The following ZNF540 variants were observed in gnomAD, a reference collection of about 807,000 sequenced individuals.
ZNF540 encodes zinc finger protein 540.
In ZNF540, 3 loss-of-function variants were observed where a neutral mutation model predicts 11.8. The observed-to-expected ratio is 0.25, with a 90% CI of 0.12 to 0.65. The LOEUF (loss-of-function observed/expected upper bound fraction) is 0.65, where lower values mean the gene tolerates loss of function less well. Among genes scored for constraint, ZNF540 ranks in the 30% least tolerant of loss-of-function variants. ZNF540 has a pLI of 0.83. For synonymous variants in ZNF540, 247 were observed against 259.0 expected (o/e 0.95, Z 0.45); for missense variants, 709 against 793.1 (o/e 0.89, Z 1.27).
chr19:37,610,702 G>A (rs888299214), intron 4 of ZNF540, among the ~76,000 whole-genome samples: 2 of 152,160 alleles, frequency 1.3e-5, no homozygotes, highest in Non-Finnish European at 2.9e-5. Context: ...GGAGGACAAT[G>A]TCTTTGAAAG....
chr19:37,565,339 A>G (rs759265556), intron 1 of ZNF540: 7 of 1,613,146 alleles, frequency 4.3e-6, no homozygotes, highest in Non-Finnish European at 8.5e-7. Flanking sequence ...CTTTACATTC[A>G]TAGGGTTTCT....
chr19:37,581,543 G>A (rs566490080), intron 1 of ZNF540, among the ~76,000 whole-genome samples: 77 of 148,714 alleles, frequency 5.2e-4, no homozygotes, highest in African/African-American at 1.8e-3. Context: ...ATGGTTCACT[G>A]CAACCTCGAC....
chr19:37,581,466 CTTTTTTT>C (rs1226046583), intron 1 of ZNF540, among the ~76,000 whole-genome samples: 1 of 138,730 alleles, frequency 7.2e-6, no homozygotes, highest in Non-Finnish European at 1.6e-5. Flanking sequence ...TTCTTTCTTT[CTTTTTTT>C]TTTTTTTTTG....
intron 1 of ZNF540, among the ~76,000 whole-genome samples, chr19:37,568,946 G>A (rs775566587): frequency 2.6e-5 from 4 of 151,692 alleles, no homozygotes; most frequent in African/African-American, 4.8e-5. Context: ...GCTGACACTC[G>A]GGAAGCCCAA....
Position 37,612,369 on chromosome 19 carries a change from C to T in ZNF540, c.1089C>T (p.Thr363=). ...ACGAATGTAAGGAATGTGGAAAGAC[C>T]TTTAGACTTAGTTTTTACCTTACTG... The part of the protein sequence containing the change: ...KPYECKECGK[T]FRLSFYLTEH... Residue 363 remains threonine, a synonymous_variant, in exon 5 of 5, where the codon ACC becomes ACT. Coordinates refer to ENST00000316433, the MANE Select transcript of ZNF540 (RefSeq NM_001172225.3). 1 of 1,613,676 alleles carries T rather than the reference C, an allele frequency of 6.2e-7. No individual in the cohort carries two copies.
chr19:37,572,119 A>AT (rs1450034113), intron 1 of ZNF540, among the ~76,000 whole-genome samples: 1 of 152,210 alleles, frequency 6.6e-6, no homozygotes, highest in African/African-American at 2.4e-5. Context: ...ATACTCTCAT[A>AT]TTTATACATC....
intron 1 of ZNF540, among the ~76,000 whole-genome samples, chr19:37,561,048 CAAA>C (rs199892724): frequency 1.4e-4 from 10 of 73,782 alleles, no homozygotes; most frequent in African/African-American, 3.2e-4. Flanking sequence ...CCTGTCTCTA[CAAA>C]AAAAAAAAAA....
chr19:37,592,452 G>A (rs1484781676), upstream of ZNF540, among the ~76,000 whole-genome samples: 1 of 152,196 alleles, frequency 6.6e-6, no homozygotes, highest in East Asian at 1.9e-4. Context: ...TGGCCCTTTG[G>A]AGGACCACAG....
rs150305481 is a variant in ZNF540, at chr19:37,611,528, A to G, written c.248A>G (p.His83Arg). The G allele has an allele frequency of 9.6e-5, 153 of 1,598,360 alleles. 1 individual carries two copies. The highest frequency in any genetic ancestry group is 2.6e-4 in the Admixed American group (15 of 57,678). ...TTTCTTTCAGGTTTGTTATCCAGGC[A>G]TAAGACCAAGAAATTATCTTCAGAA... The part of the protein sequence containing the change: ...GRQCPGLLSR[H>R]KTKKLSSEKD... Residue 83 changes from histidine to arginine, a missense_variant, in exon 5 of 5, where the codon CAT (histidine) becomes CGT (arginine). Transcript: ENST00000316433.
chr19:37,562,315 A>T (rs1428600556), intron 1 of ZNF540: 1 of 151,842 alleles, frequency 6.6e-6, no homozygotes, highest in Non-Finnish European at 1.5e-5. Flanking sequence ...CCAGGGGTGG[A>T]GGTTGCAATG....
In ZNF540 at chr19:37,579,018, G is replaced by C. The variant is rs959085730; in HGVS notation, c.-72-19358G>C. Among the ~76,000 whole-genome samples, 4 of 152,222 alleles carry C rather than the reference G, an allele frequency of 2.6e-5. No homozygotes were observed. The East Asian group carries it at 7.7e-4, about 29-fold the overall frequency. The stretch of plus-strand genomic sequence containing the variant: ...TTGCAGGAGTCCTGCTCCAGTGAAA[G>C]GCCCACAGCACAGCCGCCCTGCCCC... On this transcript the variant is annotated intron_variant, in intron 1 of 4. Transcript: ENST00000592533.
chr19:37,584,558 A>G (rs567346230), intron 1 of ZNF540, among the ~76,000 whole-genome samples: 1 of 152,362 alleles, frequency 6.6e-6, no homozygotes, highest in East Asian at 1.9e-4. Flanking sequence ...AATATAACCT[A>G]AGAATTTTTT....
intron 1 of ZNF540, among the ~76,000 whole-genome samples, chr19:37,570,481 C>CA (rs1316963886): frequency 3.3e-5 from 5 of 152,180 alleles, no homozygotes; most frequent in Non-Finnish European, 7.4e-5. Context: ...ATCAGATATA[C>CA]AAAAAAATAT....
chr19:37,564,255 C>G (rs2042770198), intron 1 of ZNF540: 1 of 170,008 alleles, frequency 5.9e-6, no homozygotes, highest in African/African-American at 2.4e-5. Flanking sequence ...ATATCAGATG[C>G]TATCGAAAGG....
chr19:37,567,368 C>T (rs940495367), intron 1 of ZNF540, among the ~76,000 whole-genome samples: 1 of 152,190 alleles, frequency 6.6e-6, no homozygotes, highest in Non-Finnish European at 1.5e-5. Context: ...AGATGCTTCT[C>T]ATAAAACACA....
At chr19:37,564,537 A>G in intron 1 of ZNF540, 1 of 1,415,376 alleles carries the variant, frequency 7.1e-7, no homozygotes, top group South Asian at 1.8e-5. Context: ...GATGTTCTAC[A>G]TTCATTATAG....
chr19:37,597,663 G>A (rs2044006704), intron 1 of ZNF540: 1 of 152,292 alleles, frequency 6.6e-6, no homozygotes, highest in Non-Finnish European at 1.5e-5. Context: ...CCGACCTCAG[G>A]TGATCTGCCC....
chr19:37,611,431 G>A, intron 4 of ZNF540, 82 bp from the exon 5 acceptor site: 1 of 1,156,678 alleles, frequency 8.6e-7, no homozygotes, highest in Non-Finnish European at 1.2e-6. Flanking sequence ...TTTTCACTTT[G>A]TTTCCTATTT....
chr19:37,584,951 G>A (rs2043615464), intron 1 of ZNF540: 2 of 140,716 alleles, frequency 1.4e-5, no homozygotes, highest in Middle Eastern at 4.2e-3. Context: ...GCCACAGAGC[G>A]AGACTCCGTC....
Sources: gnomAD v4.1 joint callset for allele counts (sites outside exome capture counted in the v4.1 genomes callset) on GRCh38, gnomAD v4.1.1 for gene constraint, MANE v1.5 for transcripts, NCBI Gene and HGNC (gene_info 2026-07-23, HGNC 2026-07-21) for gene names.